Variants in TTC14 observed in about 807,000 individuals in gnomAD.
TTC14 encodes the protein tetratricopeptide repeat domain 14.
A neutral mutation model predicts 79.9 loss-of-function variants in TTC14; 63 were observed. The observed-to-expected ratio is 0.79, with a 90% CI of 0.64 to 0.97. The LOEUF (loss-of-function observed/expected upper bound fraction) is 0.97, where lower values mean the gene tolerates loss of function less well. TTC14 is among the 50% of genes least tolerant of loss of function. The probability of loss-of-function intolerance (pLI) is 0.00; values close to 1 mark genes in which losing one functional copy is unlikely to be tolerated. For synonymous variants in TTC14, 335 were observed against 309.6 expected (o/e 1.08, Z -0.86); for missense variants, 895 against 894.0 (o/e 1.00, Z -0.01).
In TTC14 at chr3:180,606,307, T is replaced by C. The variant is rs1301806204; in HGVS notation, c.984T>C (p.Asn328=). 2.5e-6 allele frequency: 4 copies of C among 1,614,016 alleles called. No homozygotes were observed. The Admixed American group carries it at 6.7e-5, about 27-fold the overall frequency. ...TTGGACGCCATGTGGATGCTATGAA[T>C]GAATACAATAAAGCTTTGGAAATAG... The part of the protein sequence containing the change: ...FKVGRHVDAM[N]EYNKALEIDK... The change falls in exon 8 of 12, where the codon AAT becomes AAC. Residue 328 remains asparagine, a synonymous_variant. Coordinates refer to ENST00000296015, the MANE Select transcript of TTC14 (RefSeq NM_133462.4).
rs774367056 is a variant in TTC14 at position 180,608,705 on chromosome 3, C to A, written c.1295C>A (p.Ser432Tyr). Residue 432 changes from serine (S) to tyrosine (Y), a missense_variant, in exon 11 of 12, where the codon TCT becomes TAT. Transcript: ENST00000296015. Reference protein sequence around the residue: ...LQKLHKYMQKSLELREKQAEK... With the variant: ...LQKLHKYMQKYLELREKQAEK... ...TCGATATCTGGGTTCTAAAAGAAAT[C>A]TTTGGAATTAAGAGAAAAACAAGCT... is the stretch of plus-strand genomic sequence containing the variant. The A allele has an allele frequency of 6.4e-5, 97 of 1,521,342 alleles. No individual in the cohort carries two copies. The highest frequency in any genetic ancestry group is 1.3e-5 in the South Asian group (1 of 77,352). 94.2% of individuals were successfully genotyped at this position (1,521,342 alleles called of 1,614,324 possible).
chr3:180,608,081 CT>C (rs1716790233), intron 10 of TTC14: 2 of 1,042,042 alleles, frequency 1.9e-6, no homozygotes, highest in South Asian at 7.7e-5. Flanking sequence ...TTATAAAAAC[CT>C]TTTTGAGACA....
chr3:180,611,716 G>GTT (rs1403691613), downstream of TTC14, among the ~76,000 whole-genome samples: 4 of 152,150 alleles, frequency 2.6e-5, no homozygotes, highest in African/African-American at 7.2e-5. Context: ...AGAGTTTGCA[G>GTT]TTTAAGATTC....
At chr3:180,603,519 AT>A (rs1332492280) in intron 3 of TTC14, 196 bp downstream of exon 3, 4 of 569,992 alleles carry the variant, frequency 7.0e-6, no homozygotes, top group Admixed American at 3.1e-5. Context: ...GGTTTTTGGG[AT>A]TTTTTAAATT....
At chr3:180,615,161 A>C (rs1717184287), downstream of TTC14, 2 of 1,015,510 alleles carry the variant, frequency 2.0e-6, no homozygotes, top group Admixed American at 3.4e-5. Context: ...AAGGTACCAT[A>C]ATTCCATAAG....
At chr3:180,616,610 A>C (rs751490961) in intron 12 of TTC14, 2 of 1,597,524 alleles carry the variant, frequency 1.3e-6, no homozygotes, top group South Asian at 1.1e-5. Flanking sequence ...AAACTGTTTC[A>C]TTTCACGAAG....
Position 180,609,855 on chromosome 3 carries a change from T to TA in TTC14, c.1627dup (p.Thr543AsnfsTer7), listed in dbSNP as rs946170736. 4 of 1,613,558 alleles carry TA rather than the reference T, an allele frequency of 2.5e-6. No homozygotes were observed. Among genetic ancestry groups the TA allele is most frequent in the Admixed American group, 1.7e-5 (1 of 59,936 alleles). On this transcript the variant is annotated frameshift_variant, in exon 12 of 12. Transcript: ENST00000296015. LOFTEE classifies it high-confidence loss of function. The stretch of plus-strand genomic sequence containing the variant: ...ATGAGTGCTACCCAGTTCCAGCTAA[T>TA]ACTTCAGCATCTTTTCTTAACCATA...
At chr3:180,608,180 G>A in intron 10 of TTC14, 4 of 998,200 alleles carry the variant, frequency 4.0e-6, no homozygotes, top group Non-Finnish European at 4.8e-6. Flanking sequence ...CTGTGTCTGT[G>A]ACATCTGGTG....
Position 180,603,215 on chromosome 3 carries a change from T to C in TTC14, c.378T>C (p.Gly126=), listed in dbSNP as rs1716479460. The change falls in exon 3 of 12, where the codon GGT becomes GGC. Residue 126 remains glycine, a synonymous_variant. Coordinates refer to ENST00000296015, the MANE Select transcript of TTC14 (RefSeq NM_133462.4). ...TGTTTTTCCGAGATATTGAGCGTGG[T>C]GATATAGTGATTGGAAGAATTAGTT... is the stretch of plus-strand genomic sequence containing the variant. The part of the protein sequence containing the change: ...RELFFRDIER[G]DIVIGRISSI... 6.2e-7 allele frequency: 1 copy of C among 1,613,970 alleles called. No homozygotes were observed. Among genetic ancestry groups the C allele is most frequent in the Non-Finnish European group, 8.5e-7 (1 of 1,180,020 alleles).
Position 180,610,939 on chromosome 3 carries a change from C to A in TTC14, c.*397C>A. The A allele has an allele frequency of 2.1e-6, 2 of 975,568 alleles. No individual in the cohort carries two copies. The highest frequency in any genetic ancestry group is 9.5e-5 in the South Asian group (2 of 21,094). The allele number at this position is 975,568 out of a possible 1,614,324, so 60.4% of individuals were successfully genotyped here. ...TTTTTATAAAAATTAATTTCATTTTCTTTTCTGTTAAATTAAAAATCGTCA... is the reference window on the plus strand; with the variant it reads ...TTTTTATAAAAATTAATTTCATTTTATTTTCTGTTAAATTAAAAATCGTCA... On this transcript the variant is annotated 3_prime_UTR_variant, in exon 12 of 12. Coordinates refer to ENST00000296015, the MANE Select transcript of TTC14 (RefSeq NM_133462.4).
At chr3:180,605,861 T>C in intron 7 of TTC14, 24 bp downstream of exon 7, 1 of 1,569,888 alleles carries the variant, frequency 6.4e-7, no homozygotes. Context: ...CTTTCAACAA[T>C]TGCATTATAT....
At chr3:180,614,261 T>C (rs185867448), downstream of TTC14, 423 of 157,434 alleles carry the variant, frequency 2.7e-3, 1 homozygote, top group Non-Finnish European at 4.6e-3. Context: ...AGCAAATCTT[T>C]AATGCGTTTA....
At position 180,603,151 on chromosome 3, in the gene TTC14, A is replaced by T. The variant is rs1216694415; in HGVS notation, c.314A>T (p.Glu105Val). 6.2e-7 allele frequency: 1 copy of T among 1,613,834 alleles called. No individual in the cohort carries two copies. The highest frequency in any genetic ancestry group is 1.3e-5 in the African/African-American group (1 of 74,862). The change falls in exon 3 of 12, where the codon GAG becomes GTG. Residue 105 changes from glutamate (E) to valine (V), a missense_variant. Physicochemically the swap from Glu to Val is moderately radical, Grantham distance 121. Coordinates refer to ENST00000296015, the MANE Select transcript of TTC14 (RefSeq NM_133462.4). Reference protein sequence around the residue: ...EDHYAIMPPLEQFMEIPSMDR... With the variant: ...EDHYAIMPPLVQFMEIPSMDR... Reference sequence around the variant, plus strand: ...CATTATGCAATCATGCCACCTTTAGAGCAATTCATGGAGATACCTAGTATG... The same window carrying T: ...CATTATGCAATCATGCCACCTTTAGTGCAATTCATGGAGATACCTAGTATG...
In TTC14 at chr3:180,602,881, T is replaced by C; in HGVS notation, c.162-10T>C. The C allele has an allele frequency of 6.3e-7, 1 of 1,597,862 alleles. No individual in the cohort carries two copies. The highest frequency in any genetic ancestry group is 1.1e-5 in the South Asian group (1 of 87,204). On this transcript the variant is annotated splice_polypyrimidine_tract_variant and intron_variant, in intron 1 of 11. Coordinates refer to ENST00000296015, the MANE Select transcript of TTC14 (RefSeq NM_133462.4). ...AACCCAATTTTCATATATATTTTTT[T>C]CTTTTTAAGAAAAGAGAAGAGAGTT...
exon 13 of TTC14, chr3:180,617,423 G>A: frequency 1.5e-6 from 1 of 672,604 alleles, no homozygotes; most frequent in Non-Finnish European, 2.7e-6. Context: ...AACAGCCTCA[G>A]GCAGGTCCTT....
downstream of TTC14, among the ~76,000 whole-genome samples, chr3:180,612,319 A>G (rs1013478062): frequency 1.3e-5 from 2 of 152,144 alleles, no homozygotes; most frequent in Non-Finnish European, 2.9e-5. Flanking sequence ...TTTTTGTTAC[A>G]TGGATCTATC....
downstream of TTC14, chr3:180,613,866 TAAAAC>T (rs1383443236): frequency 4.4e-6 from 2 of 455,196 alleles, no homozygotes; most frequent in East Asian, 1.4e-4. Context: ...TTCCTATTTC[TAAAAC>T]AAAACAAAAA....
At position 180,610,871 on chromosome 3, in the gene TTC14, C is replaced by G. The variant is rs1716966125; in HGVS notation, c.*329C>G. On this transcript the variant is annotated 3_prime_UTR_variant, in exon 12 of 12. Transcript: ENST00000296015. ...TGAGAATTCCTGGGTGCATCTTATT[C>G]TGCTGTTTGAGAGAAAAATTTGTGC... 1.0e-6 allele frequency: 1 copy of G among 989,994 alleles called. No homozygotes were observed. The highest frequency in any genetic ancestry group is 1.2e-6 in the Non-Finnish European group (1 of 833,122). The allele number at this position is 989,994 out of a possible 1,614,324, so 61.3% of individuals were successfully genotyped here. A position where few individuals can be genotyped will look rare whatever the true frequency, so the allele number is the denominator to read the frequency against.
chr3:180,615,677 A>T (rs1055485461), downstream of TTC14, among the ~76,000 whole-genome samples: 4 of 152,168 alleles, frequency 2.6e-5, no homozygotes, highest in African/African-American at 9.7e-5. Flanking sequence ...TTTAATAAGT[A>T]GCTGCTGAAT....
Sources: allele counts gnomAD v4.1 joint callset (sites outside exome capture counted in the v4.1 genomes callset), GRCh38; gene constraint gnomAD v4.1.1; transcripts MANE v1.5; gene names NCBI Gene and HGNC (gene_info 2026-07-23, HGNC 2026-07-21).